NR1H4: variants seen among roughly 807,000 people sequenced by gnomAD.
NR1H4 encodes the protein bile acid receptor.
Under a neutral mutation model 58.5 loss-of-function variants are expected in NR1H4, and 23 were observed. That is an observed-to-expected ratio of 0.39 (90% CI 0.28 to 0.56). The LOEUF is 0.56. Ranked by LOEUF, NR1H4 falls within the 20% of genes least tolerant of loss-of-function variation. The pLI, the probability that NR1H4 is intolerant of heterozygous loss-of-function variation, is 0.58. For synonymous variants in NR1H4, 214 were observed against 198.0 expected (o/e 1.08, Z -0.68); for missense variants, 487 against 576.9 (o/e 0.84, Z 1.60).
At chr12:100,557,542 C>G (rs531719599) in intron 9 of NR1H4, among the ~76,000 whole-genome samples, 1 of 152,312 alleles carries the variant, frequency 6.6e-6, no homozygotes, top group South Asian at 2.1e-4. Context: ...GAACGCATCC[C>G]TCATCCAAAT....
chr12:100,497,858 T>C (rs1260156995), intron 3 of NR1H4, among the ~76,000 whole-genome samples: 1 of 152,162 alleles, frequency 6.6e-6, no homozygotes, highest in Non-Finnish European at 1.5e-5. Flanking sequence ...TTTTAGCAAA[T>C]TATGTTTTTA....
At chr12:100,556,783 G>A (rs1360517468) in intron 9 of NR1H4, among the ~76,000 whole-genome samples, 4 of 152,248 alleles carry the variant, frequency 2.6e-5, no homozygotes, top group African/African-American at 9.6e-5. Flanking sequence ...AGTCTGAAAT[G>A]GGGATAGTAA....
chr12:100,546,770 A>G (rs1010566809), intron 9 of NR1H4, among the ~76,000 whole-genome samples: 2 of 152,112 alleles, frequency 1.3e-5, no homozygotes, highest in African/African-American at 4.8e-5. Flanking sequence ...CCCTCCAGCC[A>G]TTGACTCTAC....
chr12:100,496,296 G>T (rs932639820), intron 3 of NR1H4, among the ~76,000 whole-genome samples: 4 of 152,102 alleles, frequency 2.6e-5, no homozygotes, highest in Non-Finnish European at 5.9e-5. Context: ...TGCTATGAAG[G>T]CAACAAAATA....
At chr12:100,503,475 A>T (rs1165350665) in intron 3 of NR1H4, 1 of 1,597,180 alleles carries the variant, frequency 6.3e-7, no homozygotes, top group Non-Finnish European at 8.5e-7. Flanking sequence ...CATGGAAATG[A>T]TGAGTATGAA....
intron 1 of NR1H4, among the ~76,000 whole-genome samples, chr12:100,480,912 A>G (rs1353444329): frequency 2.0e-5 from 3 of 152,210 alleles, no homozygotes; most frequent in African/African-American, 7.2e-5. Flanking sequence ...CAGCTGGGAT[A>G]GTTGGAAGAG....
intron 4 of NR1H4, among the ~76,000 whole-genome samples, chr12:100,529,783 A>C (rs1208387611): frequency 6.6e-6 from 1 of 152,140 alleles, no homozygotes; most frequent in African/African-American, 2.4e-5. Flanking sequence ...AGTCTATACA[A>C]TGCCTTTTCT....
At chr12:100,494,366 T>A (rs1240262272) in intron 3 of NR1H4, among the ~76,000 whole-genome samples, 1 of 152,210 alleles carries the variant, frequency 6.6e-6, no homozygotes, top group Non-Finnish European at 1.5e-5. Context: ...TGTACCTGCC[T>A]CCATACAGTA....
chr12:100,525,498 C>T (rs1398492625), intron 4 of NR1H4: 2 of 151,960 alleles, frequency 1.3e-5, no homozygotes, highest in South Asian at 2.1e-4. Flanking sequence ...ACCTGATGAC[C>T]TAATCTTTAT....
chr12:100,503,528 G>A (rs757084154), intron 3 of NR1H4: 17 of 1,553,104 alleles, frequency 1.1e-5, no homozygotes, highest in South Asian at 3.6e-5. Context: ...CTTTCAGGTC[G>A]AGCTCTTGCA....
Position 100,493,351 on chromosome 12 carries a change from C to A in NR1H4, c.28C>A (p.His10Asn). The A allele has an allele frequency of 6.3e-7, 1 of 1,579,116 alleles. No individual in the cohort carries two copies. Among genetic ancestry groups the A allele is most frequent in the South Asian group, 1.1e-5 (1 of 88,632 alleles). MGSKMNLIE[H>N]SHLPTTDEFS... ...GGGATCAAAAATGAATCTCATTGAACATTCCCATTTACCTACCACAGATGA... is the reference window on the plus strand; with the variant it reads ...GGGATCAAAAATGAATCTCATTGAAAATTCCCATTTACCTACCACAGATGA... The change falls in exon 3 of 11, where the codon CAT becomes AAT. Residue 10 changes from histidine to asparagine, a missense_variant. Coordinates refer to ENST00000392986, the MANE Select transcript of NR1H4 (RefSeq NM_001206979.2).
rs896273931 is a variant in NR1H4, at chr12:100,563,578, T to C, written c.*89T>C. Reference sequence around the variant, plus strand: ...TCCTTTATTTCACTTGTACCCAGTTTCACTCAAGAAATCTTGATGAATATT... The same window carrying C: ...TCCTTTATTTCACTTGTACCCAGTTCCACTCAAGAAATCTTGATGAATATT... On this transcript the variant is annotated 3_prime_UTR_variant, in exon 11 of 11. Coordinates refer to ENST00000392986, the MANE Select transcript of NR1H4 (RefSeq NM_001206979.2). 2 of 1,005,150 alleles carry C rather than the reference T, an allele frequency of 2.0e-6. No homozygotes were observed. The highest frequency in any genetic ancestry group is 3.2e-5 in the African/African-American group (2 of 62,668). 62.3% of individuals were successfully genotyped at this position (1,005,150 alleles called of 1,614,324 possible). A position where few individuals can be genotyped will look rare whatever the true frequency, so the allele number is the denominator to read the frequency against.
intron 3 of NR1H4, among the ~76,000 whole-genome samples, chr12:100,498,632 C>T (rs1019567267): frequency 1.3e-5 from 2 of 151,472 alleles, no homozygotes; most frequent in Non-Finnish European, 2.9e-5. Context: ...ACCAAACAAA[C>T]AAAACAAGAA....
intron 1 of NR1H4, among the ~76,000 whole-genome samples, chr12:100,490,766 G>A (rs903855110): frequency 2.0e-5 from 3 of 152,086 alleles, no homozygotes; most frequent in African/African-American, 7.2e-5. Flanking sequence ...TAGCTTATGA[G>A]TATGAATGAG....
At chr12:100,500,870 A>G (rs1169011727) in intron 3 of NR1H4, among the ~76,000 whole-genome samples, 2 of 152,140 alleles carry the variant, frequency 1.3e-5, no homozygotes, top group East Asian at 1.9e-4. Flanking sequence ...TTTTTTCTTC[A>G]TAAATTGCCC....
At chr12:100,511,581 TGAGAAAGA>T (rs766093551) in intron 4 of NR1H4, among the ~76,000 whole-genome samples, 2 of 152,078 alleles carry the variant, frequency 1.3e-5, no homozygotes, top group African/African-American at 2.4e-5. Context: ...TTTAGTTAAT[TGAGAAAGA>T]GAGAAAGAAA....
chr12:100,479,551 T>C (rs538753325), intron 1 of NR1H4, among the ~76,000 whole-genome samples: 4 of 152,364 alleles, frequency 2.6e-5, no homozygotes, highest in South Asian at 4.1e-4. Flanking sequence ...GCCATCCCTG[T>C]TGCGTGTCAT....
At chr12:100,505,943 CTT>C (rs1953950920) in intron 3 of NR1H4, 1 of 270,814 alleles carries the variant, frequency 3.7e-6, no homozygotes, top group Non-Finnish European at 7.1e-6. Context: ...TCGTATGTGT[CTT>C]TTCACTTTCA....
chr12:100,516,583 A>G (rs993475406), intron 4 of NR1H4, among the ~76,000 whole-genome samples: 2 of 151,988 alleles, frequency 1.3e-5, no homozygotes, highest in African/African-American at 4.8e-5. Context: ...AGCCAGAATG[A>G]TCTCCATCTC....
Sources: allele counts gnomAD v4.1 joint callset (sites outside exome capture counted in the v4.1 genomes callset), GRCh38; gene constraint gnomAD v4.1.1; transcripts MANE v1.5; gene names NCBI Gene and HGNC (gene_info 2026-07-23, HGNC 2026-07-21).